Variants in CLSTN3 observed in about 807,000 individuals in gnomAD.
CLSTN3 encodes the protein calsyntenin 3.
A neutral mutation model predicts 95.9 loss-of-function variants in CLSTN3; 36 were observed. The ratio of observed to expected loss-of-function variants is 0.38; its 90% CI spans 0.29 to 0.50. The LOEUF (loss-of-function observed/expected upper bound fraction) is 0.50, where lower values mean the gene tolerates loss of function less well. CLSTN3 is among the 20% of genes least tolerant of loss of function. The pLI, the probability that CLSTN3 is intolerant of heterozygous loss-of-function variation, is 0.95. For missense variants in CLSTN3, 1,084 were observed against 1,268.8 expected (o/e 0.85, Z 2.21); for synonymous variants, 481 against 504.0 (o/e 0.95, Z 0.61).
chr12:7,142,567 T>G (rs1451525167), intron 10 of CLSTN3, among the ~76,000 whole-genome samples: 3 of 151,928 alleles, frequency 2.0e-5, no homozygotes. Context: ...TCCTGTTTCC[T>G]TCTCTTCCTC....
At chr12:7,155,897 T>G (rs1030902947) in intron 16 of CLSTN3, 3 of 249,312 alleles carry the variant, frequency 1.2e-5, no homozygotes, top group Non-Finnish European at 2.4e-5. Flanking sequence ...GGCCCTGGAG[T>G]GCGTGGCAGC....
chr12:7,136,243 G>A lies in CLSTN3; in HGVS notation c.780G>A (p.Gly260=). 3 of 1,614,204 alleles carry A rather than the reference G, an allele frequency of 1.9e-6. No homozygotes were observed. Among genetic ancestry groups the A allele is most frequent in the South Asian group, 1.1e-5 (1 of 91,082 alleles). ...NKRIEYAPGA[G]SLALFPGIRL... ...GGATCGAATATGCACCAGGTGCTGGGAGCTTGGCTTTGTTCCCTGGTATCC... is the reference window on the plus strand; with the variant it reads ...GGATCGAATATGCACCAGGTGCTGGAAGCTTGGCTTTGTTCCCTGGTATCC... The change falls in exon 6 of 18, where the codon GGG becomes GGA. Residue 260 remains glycine (G), a synonymous_variant. Coordinates refer to ENST00000266546, the MANE Select transcript of CLSTN3 (RefSeq NM_014718.4).
In CLSTN3 at chr12:7,158,339, C is replaced by A; in HGVS notation, c.*258C>A. On this transcript the variant is annotated 3_prime_UTR_variant, in exon 18 of 18. Coordinates refer to ENST00000266546, the MANE Select transcript of CLSTN3 (RefSeq NM_014718.4). ...GGGGCTGGCTGGGTTGGAAAGTGGGCTGGACTTCAGCTGCCTTTCTACCCC... is the reference window on the plus strand; with the variant it reads ...GGGGCTGGCTGGGTTGGAAAGTGGGATGGACTTCAGCTGCCTTTCTACCCC... 2.7e-6 allele frequency: 1 copy of A among 370,152 alleles called. No individual in the cohort carries two copies. Among genetic ancestry groups the A allele is most frequent in the Non-Finnish European group, 4.9e-6 (1 of 205,068 alleles). 22.9% of individuals were successfully genotyped at this position (370,152 alleles called of 1,614,324 possible). A position where few individuals can be genotyped will look rare whatever the true frequency, so the allele number is the denominator to read the frequency against.
rs774314216 is a variant in CLSTN3 at position 7,149,057 on chromosome 12, C to T, written c.1933C>T (p.Leu645=). 1 of 1,614,216 alleles carries T rather than the reference C, an allele frequency of 6.2e-7. No individual in the cohort carries two copies. Among genetic ancestry groups the T allele is most frequent in the South Asian group, 1.1e-5 (1 of 91,080 alleles). The change falls in exon 13 of 18, where the codon CTG becomes TTG. Residue 645 remains leucine (L), a synonymous_variant. Transcript: ENST00000266546. This position sits in a 1 kb window ranked among gnomAD's most constrained non-coding sequence, Gnocchi z 4.5. ...TCAGCCTGACGCCCCCCAGATCCTG[C>T]TGAGTGGCACTGCTCATTTTGCCCG... The part of the protein sequence containing the change: ...VLQPDAPQIL[L]SGTAHFARPA...
chr12:7,131,497 TA>T, intron 1 of CLSTN3: 1 of 289,706 alleles, frequency 3.5e-6, no homozygotes, highest in South Asian at 2.9e-5. Flanking sequence ...TGGAAAAGGG[TA>T]AAGGTGGAGG....
At chr12:7,136,092 G>C (rs1939409281) in intron 5 of CLSTN3, 114 bp from the exon 6 acceptor site, 1 of 1,497,738 alleles carries the variant, frequency 6.7e-7, no homozygotes, top group African/African-American at 1.4e-5. Flanking sequence ...ACTCTAGCCG[G>C]GCCATCCTGC....
At chr12:7,142,516 C>T (rs1034946490) in intron 10 of CLSTN3, among the ~76,000 whole-genome samples, 31 of 151,862 alleles carry the variant, frequency 2.0e-4, no homozygotes, top group African/African-American at 6.5e-4. Context: ...TCTCCTGCCG[C>T]CTCCCCCTCC....
Position 7,151,040 on chromosome 12 carries a change from T to C in CLSTN3, c.2504T>C (p.Leu835Pro). 3.1e-6 allele frequency: 5 copies of C among 1,607,088 alleles called. No individual in the cohort carries two copies. Among genetic ancestry groups the C allele is most frequent in the Non-Finnish European group, 3.4e-6 (4 of 1,176,266 alleles). ...QPPPEMAGHS[L>P]ASSHRNSMIP... ...CCGCCTGAGATGGCTGGACACAGCC[T>C]AGCCAGCTCCCACAGAAACTCCAGT... Residue 835 changes from leucine (L) to proline (P), a missense_variant, in exon 16 of 18, where the codon CTA becomes CCA. Transcript: ENST00000266546.
chr12:7,142,853 T>C lies in CLSTN3; in HGVS notation c.1541-16T>C. On this transcript the variant is annotated splice_polypyrimidine_tract_variant and intron_variant, in intron 10 of 17. Coordinates refer to ENST00000266546, the MANE Select transcript of CLSTN3 (RefSeq NM_014718.4). ...CTCTTCTCACCTCCCGTCCTGCTCC[T>C]GTGTTCCTACCCTAGGAGACCCTTT... 1 of 1,613,056 alleles carries C rather than the reference T, an allele frequency of 6.2e-7. No individual in the cohort carries two copies. The highest frequency in any genetic ancestry group is 8.5e-7 in the Non-Finnish European group (1 of 1,179,340).
chr12:7,150,900 G>A lies in CLSTN3; in HGVS notation c.2392-28G>A, dbSNP rs1939711714. ...TGGGGAGGACCTGGGAGAAGCGTGT[G>A]TGCCCATGGAGCCCTCCCTCTGCCC... On this transcript the variant is annotated intron_variant, in intron 15 of 17. Transcript: ENST00000266546. This position sits in a 1 kb window ranked among gnomAD's most constrained non-coding sequence, Gnocchi z 4.0. The A allele has an allele frequency of 6.4e-7, 1 of 1,562,972 alleles. No homozygotes were observed. Among genetic ancestry groups the A allele is most frequent in the Non-Finnish European group, 8.7e-7 (1 of 1,150,266 alleles).
At position 7,150,546 on chromosome 12, in the gene CLSTN3, G is replaced by T. The variant is rs1195354925; in HGVS notation, c.2248G>T (p.Val750Leu). ...CTGAGGTGCTTCCTCATCTCCAGGG[G>T]TGGAGAGCATCACTGTGTATGAAGA... Reference protein sequence around the residue: ...NTSAYLTIAGVESITVYEEIL... With the variant: ...NTSAYLTIAGLESITVYEEIL... The change falls in exon 15 of 18, where the codon GTG becomes TTG. Residue 750 changes from valine (V) to leucine (L), a missense_variant and splice_region_variant. By Grantham distance (32) the Val-to-Leu change is conservative. Transcript: ENST00000266546. The surrounding 1 kb of genome is among the most constrained non-coding windows in gnomAD (Gnocchi z 4.0). 6.8e-6 allele frequency: 11 copies of T among 1,608,272 alleles called. No individual in the cohort carries two copies. The highest frequency in any genetic ancestry group is 9.4e-6 in the Non-Finnish European group (11 of 1,175,572).
chr12:7,156,232 C>T (rs1465659412), intron 16 of CLSTN3: 3 of 455,760 alleles, frequency 6.6e-6, no homozygotes, highest in Non-Finnish European at 1.3e-5. Flanking sequence ...CCCAGCTGCC[C>T]GTAAGGGCCC....
intron 11 of CLSTN3, 45 bp downstream of exon 11, chr12:7,143,071 G>T: frequency 1.4e-5 from 22 of 1,598,460 alleles, no homozygotes; most frequent in African/African-American, 2.7e-5. Flanking sequence ...CATGCCCCTT[G>T]CCCCACCCCC....
Position 7,149,387 on chromosome 12 carries a change from T to C in CLSTN3, c.2075-136T>C. On this transcript the variant is annotated intron_variant, in intron 13 of 17. Coordinates refer to ENST00000266546, the MANE Select transcript of CLSTN3 (RefSeq NM_014718.4). This position sits in a 1 kb window ranked among gnomAD's most constrained non-coding sequence, Gnocchi z 4.5. ...GTGGAAATGAATTGTTGCATAATGA[T>C]ATTCTTGAAAATGATGCTGACTTCC... 1.1e-6 allele frequency: 1 copy of C among 919,732 alleles called. No individual in the cohort carries two copies. The allele number at this position is 919,732 out of a possible 1,614,324, so 57.0% of individuals were successfully genotyped here. A position where few individuals can be genotyped will look rare whatever the true frequency, so the allele number is the denominator to read the frequency against.
intron 12 of CLSTN3, among the ~76,000 whole-genome samples, chr12:7,144,594 G>A (rs769166384): frequency 6.6e-6 from 1 of 152,114 alleles, no homozygotes; most frequent in Non-Finnish European, 1.5e-5. Context: ...GTTTATGGGC[G>A]GTTTTTAGGA....
intron 1 of CLSTN3, chr12:7,131,258 GC>G (rs1939294828): frequency 9.5e-6 from 2 of 211,512 alleles, no homozygotes; most frequent in Admixed American, 1.1e-4. Context: ...TACCAGAGCT[GC>G]CCTCTCTGGC....
chr12:7,136,091 G>A lies in CLSTN3; in HGVS notation c.743-115G>A, dbSNP rs183833585. ...AGGCTTGCAGCTATCTACTCTAGCC[G>A]GGCCATCCTGCCAGGAGCCCCAAAC... On this transcript the variant is annotated intron_variant, in intron 5 of 17. Coordinates refer to ENST00000266546, the MANE Select transcript of CLSTN3 (RefSeq NM_014718.4). The A allele has an allele frequency of 7.5e-4, 1,115 of 1,493,850 alleles. 3 individuals are homozygous for A. The highest frequency in any genetic ancestry group is 8.7e-4 in the Non-Finnish European group (957 of 1,103,652). 92.5% of individuals were successfully genotyped at this position (1,493,850 alleles called of 1,614,324 possible).
intron 9 of CLSTN3, 52 bp from the exon 10 acceptor site, chr12:7,142,034 C>A: frequency 7.1e-7 from 1 of 1,408,918 alleles, no homozygotes; most frequent in Non-Finnish European, 9.7e-7. Context: ...CTGTCAATCT[C>A]TCCACATCCC....
At position 7,158,000 on chromosome 12, in the gene CLSTN3, G is replaced by A. The variant is rs1469217730; in HGVS notation, c.2790G>A (p.Glu930=). The change falls in exon 18 of 18, where the codon GAG becomes GAA. Residue 930 remains glutamate, a synonymous_variant. Transcript: ENST00000266546. The surrounding 1 kb of genome is among the most constrained non-coding windows in gnomAD (Gnocchi z 5.9). ...TGAVGGQQED[E]DSSDSEVADS... is the part of the protein sequence containing the mutation. The stretch of plus-strand genomic sequence containing the variant: ...CTGTTGGGGGCCAGCAGGAGGATGA[G>A]GACAGCAGTGACTCGGAGGTGGCCG... 1 of 1,551,326 alleles carries A rather than the reference G, an allele frequency of 6.4e-7. No homozygotes were observed. The highest frequency in any genetic ancestry group is 8.7e-7 in the Non-Finnish European group (1 of 1,146,938).
Sources: allele counts gnomAD v4.1 joint callset (sites outside exome capture counted in the v4.1 genomes callset), GRCh38; gene constraint gnomAD v4.1.1; non-coding constraint Gnocchi (gnomAD v3.1); transcripts MANE v1.5; gene names NCBI Gene and HGNC (gene_info 2026-07-23, HGNC 2026-07-21).